The following TMEM178B variants were observed in gnomAD, a reference collection of about 807,000 sequenced individuals.
TMEM178B encodes the protein transmembrane protein 178B.
Under a neutral mutation model 31.0 loss-of-function variants are expected in TMEM178B, and 5 were observed. The ratio of observed to expected loss-of-function variants is 0.16; its 90% CI spans 0.08 to 0.34. TMEM178B has a LOEUF of 0.34. Ranked by LOEUF, TMEM178B falls within the 10% of genes least tolerant of loss-of-function variation. The pLI is 1.00. For missense variants in TMEM178B, 275 were observed against 400.3 expected, an observed-to-expected ratio of 0.69 and a Z score of 2.67; for synonymous variants, 164 against 164.0, an observed-to-expected ratio of 1.00 and a Z score of 0.00.
chr7:141,132,051 C>T (rs1000279814), intron 1 of TMEM178B, among the ~76,000 whole-genome samples: 9 of 152,224 alleles, frequency 5.9e-5, no homozygotes, highest in African/African-American at 1.7e-4. Flanking sequence ...ACTCCTCTTT[C>T]TTTCTCACCA....
intron 1 of TMEM178B, among the ~76,000 whole-genome samples, chr7:141,166,435 T>C (rs917372763): frequency 1.3e-5 from 2 of 152,208 alleles, no homozygotes; most frequent in South Asian, 4.1e-4. Context: ...GCATCCATGT[T>C]AGTGTTTGAT....
intron 1 of TMEM178B, among the ~76,000 whole-genome samples, chr7:141,168,619 A>C (rs974259425): frequency 3.9e-5 from 6 of 151,942 alleles, no homozygotes; most frequent in Non-Finnish European, 7.4e-5. Context: ...TAAAAATACA[A>C]ATTACCTGGG....
At chr7:141,111,980 A>G (rs934886183) in intron 1 of TMEM178B, among the ~76,000 whole-genome samples, 3 of 152,238 alleles carry the variant, frequency 2.0e-5, no homozygotes, top group African/African-American at 7.2e-5. Flanking sequence ...ACAAAGGCAG[A>G]AACATTTGTC....
chr7:141,096,134 ATATT>A (rs1342371926), intron 1 of TMEM178B, among the ~76,000 whole-genome samples: 1 of 152,172 alleles, frequency 6.6e-6, no homozygotes, highest in Admixed American at 6.5e-5. Context: ...TGAGGGGTAA[ATATT>A]TAATAGAGTA....
chr7:141,177,699 T>C (rs527380382), intron 1 of TMEM178B, among the ~76,000 whole-genome samples: 238 of 152,284 alleles, frequency 1.6e-3, no homozygotes, highest in Non-Finnish European at 2.3e-3. Context: ...CATTATGTAA[T>C]GCCCTTTGTC....
At position 141,133,428 on chromosome 7, in the gene TMEM178B, A is replaced by T. The variant is rs1185041126; in HGVS notation, c.382+58736A>T. Among the ~76,000 whole-genome samples the T allele has an allele frequency of 3.4e-4, 51 of 152,168 alleles. 1 individual carries two copies. Among genetic ancestry groups the T allele is most frequent in the Admixed American group, 3.3e-3 (51 of 15,274 alleles). On this transcript the variant is annotated intron_variant, in intron 1 of 3. Coordinates refer to ENST00000565468, the MANE Select transcript of TMEM178B (RefSeq NM_001195278.2). ...CAAACAGACATCCCATAACTGAATAATTCAATGAATGAGATAAAAAATACA... is the reference window on the plus strand; with the variant it reads ...CAAACAGACATCCCATAACTGAATATTTCAATGAATGAGATAAAAAATACA...
chr7:141,193,949 A>T (rs1448715980), intron 1 of TMEM178B, among the ~76,000 whole-genome samples: 1 of 152,234 alleles, frequency 6.6e-6, no homozygotes, highest in Non-Finnish European at 1.5e-5. Flanking sequence ...GCAACAAGAA[A>T]AAATGAGGGA....
At chr7:141,315,395 A>G (rs1798983255) in intron 2 of TMEM178B, among the ~76,000 whole-genome samples, 2 of 152,200 alleles carry the variant, frequency 1.3e-5, no homozygotes. Flanking sequence ...GTTGAGTGAC[A>G]CTGTGTCCCT....
intron 1 of TMEM178B, among the ~76,000 whole-genome samples, chr7:141,100,400 A>G (rs1460313423): frequency 1.3e-5 from 2 of 152,034 alleles, no homozygotes; most frequent in South Asian, 2.1e-4. Flanking sequence ...ACTCATACAC[A>G]TTTCTTTTTG....
At chr7:141,301,440 G>C (rs1798724309) in intron 2 of TMEM178B, among the ~76,000 whole-genome samples, 1 of 152,126 alleles carries the variant, frequency 6.6e-6, no homozygotes, top group Non-Finnish European at 1.5e-5. Flanking sequence ...ATGTTCTACT[G>C]CTGGGTGGGT....
At chr7:141,175,808 G>A (rs1796424404) in intron 1 of TMEM178B, among the ~76,000 whole-genome samples, 1 of 152,122 alleles carries the variant, frequency 6.6e-6, no homozygotes. Flanking sequence ...ACATTGATTT[G>A]TATCCCGAGA....
chr7:141,172,196 T>C (rs572067909), intron 1 of TMEM178B, among the ~76,000 whole-genome samples: 15 of 152,292 alleles, frequency 9.8e-5, no homozygotes, highest in Non-Finnish European at 1.6e-4. Flanking sequence ...TTTCATAATT[T>C]CGCTTCATCT....
chr7:141,308,224 G>A (rs983872446), intron 2 of TMEM178B, among the ~76,000 whole-genome samples: 2 of 152,208 alleles, frequency 1.3e-5, no homozygotes, highest in African/African-American at 2.4e-5. Flanking sequence ...CTACTATGAA[G>A]TGGAACTCCA....
intron 2 of TMEM178B, among the ~76,000 whole-genome samples, chr7:141,303,099 C>G (rs1166028282): frequency 6.6e-6 from 1 of 152,116 alleles, no homozygotes; most frequent in Non-Finnish European, 1.5e-5. Context: ...GGTTCTTTCT[C>G]GAGGTATCAC....
chr7:141,455,344 A>G (rs1470416493), intron 3 of TMEM178B, among the ~76,000 whole-genome samples: 1 of 152,198 alleles, frequency 6.6e-6, no homozygotes, highest in Non-Finnish European at 1.5e-5. Context: ...TTGGGGCCAC[A>G]TTGGATAATG....
At chr7:141,440,528 T>TA (rs1161747840) in intron 3 of TMEM178B, among the ~76,000 whole-genome samples, 6 of 152,052 alleles carry the variant, frequency 3.9e-5, no homozygotes, top group African/African-American at 1.4e-4. Flanking sequence ...TTTTTTTTTT[T>TA]AACTCCAACT....
chr7:141,476,885 A>G lies in TMEM178B; in HGVS notation c.*6099A>G, dbSNP rs1231648863. ...GAGCCACCCAACTGCAGGGGGGTGT[A>G]TGTTCAGGTGTGAAAAACAGAAAAC... On this transcript the variant is annotated 3_prime_UTR_variant, in exon 4 of 4. Transcript: ENST00000565468. 1 of 154,850 alleles carries G rather than the reference A, an allele frequency of 6.5e-6. No individual in the cohort carries two copies. Among genetic ancestry groups the G allele is most frequent in the Non-Finnish European group, 1.5e-5 (1 of 68,244 alleles). The allele number at this position is 154,850 out of a possible 1,614,324, so 9.6% of individuals were successfully genotyped here. A position where few individuals can be genotyped will look rare whatever the true frequency, so the allele number is the denominator to read the frequency against.
At chr7:141,279,279 GTTTA>G (rs986003271) in intron 2 of TMEM178B, among the ~76,000 whole-genome samples, 2 of 152,108 alleles carry the variant, frequency 1.3e-5, no homozygotes, top group African/African-American at 4.8e-5. Context: ...CTTTTCATTT[GTTTA>G]TTCTGAGATT....
chr7:141,449,943 C>T (rs1801833849), intron 3 of TMEM178B, among the ~76,000 whole-genome samples: 1 of 152,218 alleles, frequency 6.6e-6, no homozygotes, highest in Admixed American at 6.5e-5. Flanking sequence ...AACATAGTGC[C>T]TGAGCTGTAA....
Sources: gnomAD v4.1 joint callset for allele counts (sites outside exome capture counted in the v4.1 genomes callset) on GRCh38, gnomAD v4.1.1 for gene constraint, MANE v1.5 for transcripts, NCBI Gene and HGNC (gene_info 2026-07-23, HGNC 2026-07-21) for gene names.